The following PPM1B variants were observed in gnomAD, a reference collection of about 807,000 sequenced individuals.
PPM1B encodes protein phosphatase 1B.
PPM1B carries 22 observed loss-of-function variants against 43.0 expected under a neutral mutation model. The observed-to-expected ratio is 0.51, with a 90% CI of 0.37 to 0.73. The LOEUF is 0.73. Ranked by LOEUF, PPM1B falls within the 30% of genes least tolerant of loss-of-function variation. The pLI, the probability that PPM1B is intolerant of heterozygous loss-of-function variation, is 0.00. For missense variants in PPM1B, 632 were observed against 584.2 expected (o/e 1.08, Z -0.84); for synonymous variants, 217 against 197.9 (o/e 1.10, Z -0.81).
At chr2:44,232,709 A>G (rs1236556281), downstream of PPM1B, 2 of 1,025,328 alleles carry the variant, frequency 2.0e-6, no homozygotes, top group African/African-American at 3.4e-5. Flanking sequence ...TTTTCTTTAA[A>G]CAAAACACAC....
At chr2:44,229,123 G>C (rs1425858839) in intron 5 of PPM1B, among the ~76,000 whole-genome samples, 1 of 151,524 alleles carries the variant, frequency 6.6e-6, no homozygotes, top group Non-Finnish European at 1.5e-5. Context: ...TGGAGGTTGT[G>C]GTGAGCCGAG....
At chr2:44,223,530 C>T (rs1250523951) in intron 5 of PPM1B, among the ~76,000 whole-genome samples, 2 of 151,942 alleles carry the variant, frequency 1.3e-5, no homozygotes, top group African/African-American at 2.4e-5. Flanking sequence ...AAAATGCAGG[C>T]CGGGCGCGGT....
rs1572759871 is a variant in PPM1B at position 44,230,306 on chromosome 2, A to G, written c.1135-107A>G. 5 of 1,519,640 alleles carry G rather than the reference A, an allele frequency of 3.3e-6. No homozygotes were observed. The East Asian group carries it at 6.8e-5, about 21-fold the overall frequency. 94.1% of individuals were successfully genotyped at this position (1,519,640 alleles called of 1,614,324 possible). A position where few individuals can be genotyped will look rare whatever the true frequency, so the allele number is the denominator to read the frequency against. On this transcript the variant is annotated intron_variant, in intron 5 of 5. Transcript: ENST00000282412. Reference sequence around the variant, plus strand: ...AATAAAATGTTCTCATGCTTAGACTATATTACTTTTCGGTAGAGAAATTAG... The same window carrying G: ...AATAAAATGTTCTCATGCTTAGACTGTATTACTTTTCGGTAGAGAAATTAG...
chr2:44,232,547 C>G (rs995662432), downstream of PPM1B: 15 of 1,414,392 alleles, frequency 1.1e-5, no homozygotes, highest in Middle Eastern at 2.6e-4. Context: ...GCCTGTACTA[C>G]AGTATTTTTT....
chr2:44,242,040 A>G (rs1378849283), intron 5 of PPM1B, among the ~76,000 whole-genome samples: 2 of 151,210 alleles, frequency 1.3e-5, no homozygotes, highest in Non-Finnish European at 3.0e-5. Flanking sequence ...TTGTATTTTT[A>G]GTAGAGACGG....
chr2:44,232,285 T>C, downstream of PPM1B: 1 of 1,600,612 alleles, frequency 6.2e-7, no homozygotes. Context: ...CATAGGTAAA[T>C]AATAATATTC....
intron 5 of PPM1B, among the ~76,000 whole-genome samples, chr2:44,242,577 A>G (rs1027704353): frequency 1.3e-5 from 2 of 152,222 alleles, no homozygotes; most frequent in Non-Finnish European, 2.9e-5. Flanking sequence ...TACAATCTTA[A>G]TAGTATACAA....
At chr2:44,176,752 T>C (rs2104001668) in intron 1 of PPM1B, among the ~76,000 whole-genome samples, 1 of 152,350 alleles carries the variant, frequency 6.6e-6, no homozygotes, top group Admixed American at 6.5e-5. Flanking sequence ...CATTTATGAG[T>C]CAGTTTCATT....
intron 1 of PPM1B, among the ~76,000 whole-genome samples, chr2:44,195,981 T>G (rs1277715507): frequency 6.6e-6 from 1 of 152,204 alleles, no homozygotes; most frequent in Non-Finnish European, 1.5e-5. Context: ...CTGCCTATCA[T>G]GTTAAGTGAG....
intron 3 of PPM1B, among the ~76,000 whole-genome samples, chr2:44,214,936 A>G (rs970572533): frequency 6.6e-6 from 1 of 152,242 alleles, no homozygotes; most frequent in African/African-American, 2.4e-5. Context: ...CTGTAACTTT[A>G]TATGAACTCT....
In PPM1B at chr2:44,172,242, G is replaced by C. The variant is rs114048485; in HGVS notation, c.-15+2968G>C. Among the ~76,000 whole-genome samples the C allele has an allele frequency of 1.0e-3, 156 of 152,294 alleles. 1 individual carries two copies. Among genetic ancestry groups the C allele is most frequent in the African/African-American group, 2.8e-3 (115 of 41,552 alleles). ...CCTTGCTGAATTAATTTCAGAATTG[G>C]AATGAAATGGAATACTGCTATTATA... On this transcript the variant is annotated intron_variant, in intron 1 of 5. Coordinates refer to ENST00000282412, the MANE Select transcript of PPM1B (RefSeq NM_002706.6).
chr2:44,233,688 C>T (rs1440637310), downstream of PPM1B: 2 of 985,642 alleles, frequency 2.0e-6, no homozygotes, highest in East Asian at 1.1e-4. Flanking sequence ...TTTTCTGTAA[C>T]GTTTTCCTGA....
At chr2:44,185,765 C>T (rs758001459) in intron 1 of PPM1B, among the ~76,000 whole-genome samples, 4 of 152,102 alleles carry the variant, frequency 2.6e-5, no homozygotes, top group Admixed American at 6.5e-5. Flanking sequence ...ATCTCCTTGC[C>T]ATTGGACCTG....
chr2:44,203,679 T>C (rs540018626), intron 2 of PPM1B, among the ~76,000 whole-genome samples: 50 of 152,174 alleles, frequency 3.3e-4, no homozygotes, highest in Non-Finnish European at 6.5e-4. Flanking sequence ...AGCCTGCCTT[T>C]TCCAACAATA....
chr2:44,185,740 AT>A (rs553141580), intron 1 of PPM1B, among the ~76,000 whole-genome samples: 121 of 152,320 alleles, frequency 7.9e-4, no homozygotes, highest in African/African-American at 2.6e-3. Context: ...TGACTAGCCT[AT>A]TTTTATCAGT....
chr2:44,173,424 C>G (rs1042692778), intron 1 of PPM1B, among the ~76,000 whole-genome samples: 5 of 151,428 alleles, frequency 3.3e-5, no homozygotes, highest in Non-Finnish European at 7.4e-5. Context: ...TTCTTTTTTG[C>G]CCCTCGAGAT....
chr2:44,239,277 A>T (rs995891270), downstream of PPM1B, among the ~76,000 whole-genome samples: 1 of 151,378 alleles, frequency 6.6e-6, no homozygotes, highest in Admixed American at 6.6e-5. Context: ...TTTCCTATAT[A>T]TATTGGCCAT....
At chr2:44,231,925 T>C (rs1024899543), downstream of PPM1B, among the ~76,000 whole-genome samples, 2 of 152,242 alleles carry the variant, frequency 1.3e-5, no homozygotes, top group African/African-American at 4.8e-5. Flanking sequence ...ATTTTATAAC[T>C]GTAGAACATT....
At chr2:44,202,304 G>A (rs1668977193) in intron 2 of PPM1B, among the ~76,000 whole-genome samples, 2 of 152,132 alleles carry the variant, frequency 1.3e-5, no homozygotes, top group Admixed American at 6.6e-5. Flanking sequence ...TGTAGCAAAA[G>A]CATTTACACA....
Sources: allele counts gnomAD v4.1 joint callset (sites outside exome capture counted in the v4.1 genomes callset), GRCh38; gene constraint gnomAD v4.1.1; transcripts MANE v1.5; gene names NCBI Gene and HGNC (gene_info 2026-07-23, HGNC 2026-07-21).